PCDHGA3: variants seen among roughly 807,000 people sequenced by gnomAD.
PCDHGA3 encodes the protein protocadherin gamma subfamily A, 3.
In PCDHGA3, 40 loss-of-function variants were observed where a neutral mutation model predicts 58.5. The ratio of observed to expected loss-of-function variants is 0.68; its 90% CI spans 0.53 to 0.89. The LOEUF is 0.89. Ranked by LOEUF, PCDHGA3 falls within the 40% of genes least tolerant of loss-of-function variation. The pLI is 0.00. For missense variants in PCDHGA3, 1,223 were observed against 1,195.9 expected (o/e 1.02, Z -0.33); for synonymous variants, 530 against 525.7 (o/e 1.01, Z -0.11).
intron 1 of PCDHGA3, chr5:141,351,452 T>G (rs773093341): frequency 1.2e-6 from 2 of 1,613,112 alleles, no homozygotes; most frequent in African/African-American, 2.7e-5. Flanking sequence ...GAAGAATTAT[T>G]ACAAGCTGGT....
chr5:141,404,718 C>G (rs747745561), intron 1 of PCDHGA3: 1 of 1,614,072 alleles, frequency 6.2e-7, no homozygotes, highest in Admixed American at 1.7e-5. Context: ...TACCTGGTGA[C>G]CAAGGTGGTG....
rs756144117 is a variant in PCDHGA3, at chr5:141,485,181, G to A, written c.2425-9626G>A. On this transcript the variant is annotated intron_variant, in intron 1 of 3. Transcript: ENST00000253812. This position sits in a 1 kb window ranked among gnomAD's most constrained non-coding sequence, Gnocchi z 5.7. ...AATTAGCGGGCGGCAGCAATGCTCC[G>A]CAAGGTGAGAAGCTGGACAGAAATC... 3.1e-6 allele frequency: 5 copies of A among 1,612,942 alleles called. No individual in the cohort carries two copies. The South Asian group carries it at 4.4e-5, about 14-fold the overall frequency.
chr5:141,474,019 A>G (rs923131322), intron 1 of PCDHGA3, among the ~76,000 whole-genome samples: 4 of 152,134 alleles, frequency 2.6e-5, no homozygotes, highest in Non-Finnish European at 4.4e-5. Flanking sequence ...ACAGTGAGCT[A>G]TGATTATTCC....
intron 1 of PCDHGA3, chr5:141,365,793 C>G (rs780558730): frequency 1.2e-6 from 2 of 1,613,948 alleles, no homozygotes; most frequent in South Asian, 2.2e-5. Flanking sequence ...GCTCGAGTCA[C>G]CTACTCCCTG....
In PCDHGA3 at chr5:141,494,676, C is replaced by T. The variant is rs2099755997; in HGVS notation, c.2425-131C>T. On this transcript the variant is annotated intron_variant, in intron 1 of 3. Transcript: ENST00000253812. ...TTTGTCTTTGGAGATGAGTCCACCCCTGCCCCCTCTTAGTCCGTTTTCTTC... is the reference window on the plus strand; with the variant it reads ...TTTGTCTTTGGAGATGAGTCCACCCTTGCCCCCTCTTAGTCCGTTTTCTTC... 1.7e-5 allele frequency: 26 copies of T among 1,550,800 alleles called. No individual in the cohort carries two copies. In the South Asian group the frequency reaches 3.0e-4, roughly 18 times the overall value.
At chr5:141,409,181 C>T (rs1280456560) in intron 1 of PCDHGA3, 2 of 1,613,992 alleles carry the variant, frequency 1.2e-6, no homozygotes, top group Non-Finnish European at 1.7e-6. Flanking sequence ...CGGAGGTGGT[C>T]TCTCTACCCA....
At position 141,412,973 on chromosome 5, in the gene PCDHGA3, C is replaced by A. The variant is rs2095594108; in HGVS notation, c.2424+66516C>A. 14 of 528,318 alleles carry A rather than the reference C, an allele frequency of 2.6e-5. No individual in the cohort carries two copies. In the South Asian group the frequency reaches 3.3e-4, roughly 12 times the overall value. The allele number at this position is 528,318 out of a possible 1,614,324, so 32.7% of individuals were successfully genotyped here. A position where few individuals can be genotyped will look rare whatever the true frequency, so the allele number is the denominator to read the frequency against. Reference sequence around the variant, plus strand: ...GCTGTTCACCTACTAGGAGAGAAAACGCAGCCAGAGCTCAATCCGGATTCT... The same window carrying A: ...GCTGTTCACCTACTAGGAGAGAAAAAGCAGCCAGAGCTCAATCCGGATTCT... On this transcript the variant is annotated intron_variant, in intron 1 of 3. Transcript: ENST00000253812.
chr5:141,424,203 GC>G (rs777832241), intron 1 of PCDHGA3: 3 of 175,740 alleles, frequency 1.7e-5, no homozygotes, highest in Non-Finnish European at 3.6e-5. Flanking sequence ...ATACACGTAA[GC>G]TTTTCTCTGA....
chr5:141,357,256 G>C, intron 1 of PCDHGA3: 1 of 1,613,738 alleles, frequency 6.2e-7, no homozygotes, highest in Admixed American at 1.7e-5. Flanking sequence ...AGACCCAGAC[G>C]ACTCGGGCCT....
chr5:141,385,196 G>T, intron 1 of PCDHGA3: 1 of 1,614,230 alleles, frequency 6.2e-7, no homozygotes, highest in South Asian at 1.1e-5. Flanking sequence ...TCTCGGAAGA[G>T]TCACCTGATC....
chr5:141,364,576 C>A, intron 1 of PCDHGA3: 2 of 1,614,210 alleles, frequency 1.2e-6, no homozygotes, highest in East Asian at 4.5e-5. Context: ...CGCGAAGCGG[C>A]AGCTTGGTCA....
rs995968509 is a variant in PCDHGA3, at chr5:141,477,065, C to T, written c.2425-17742C>T. ...TCGGCTGGACTTCGAGGACACCAAA[C>T]TCCATGAGATTTACATCCAGGCCAA... On this transcript the variant is annotated intron_variant, in intron 1 of 3. Coordinates refer to ENST00000253812, the MANE Select transcript of PCDHGA3 (RefSeq NM_018916.4). The surrounding 1 kb of genome is among the most constrained non-coding windows in gnomAD (Gnocchi z 4.9). 15 of 1,614,144 alleles carry T rather than the reference C, an allele frequency of 9.3e-6. No homozygotes were observed. The highest frequency in any genetic ancestry group is 3.3e-5 in the Admixed American group (2 of 60,018).
At position 141,431,783 on chromosome 5, in the gene PCDHGA3, G is replaced by T; in HGVS notation, c.2425-63024G>T. 2 of 1,614,174 alleles carry T rather than the reference G, an allele frequency of 1.2e-6. No homozygotes were observed. Among genetic ancestry groups the T allele is most frequent in the East Asian group, 2.2e-5 (1 of 44,878 alleles). On this transcript the variant is annotated intron_variant, in intron 1 of 3. Transcript: ENST00000253812. The surrounding 1 kb of genome is among the most constrained non-coding windows in gnomAD (Gnocchi z 4.8). Reference sequence around the variant, plus strand: ...CCTGATCACTGTTCTGGACGTGAACGACAATGCCCCAGAAGTGGTCCTCAC... The same window carrying T: ...CCTGATCACTGTTCTGGACGTGAACTACAATGCCCCAGAAGTGGTCCTCAC...
chr5:141,355,969 G>A (rs1359465657), intron 1 of PCDHGA3: 6 of 1,613,732 alleles, frequency 3.7e-6, no homozygotes, highest in Middle Eastern at 3.3e-4. Context: ...GAACGTTCCT[G>A]TAGGCACTCG....
Position 141,431,199 on chromosome 5 carries a change from C to T in PCDHGA3, c.2425-63608C>T. 1 of 1,614,194 alleles carries T rather than the reference C, an allele frequency of 6.2e-7. No homozygotes were observed. Among genetic ancestry groups the T allele is most frequent in the East Asian group, 2.2e-5 (1 of 44,890 alleles). ...GAAATAAAAATTAGTGAAAATGCAG[C>T]CACTGAGATGCGGTTCCCTCTACCC... On this transcript the variant is annotated intron_variant, in intron 1 of 3. Transcript: ENST00000253812. This position sits in a 1 kb window ranked among gnomAD's most constrained non-coding sequence, Gnocchi z 4.8.
In PCDHGA3 at chr5:141,345,570, G is replaced by A. The variant is rs575051330; in HGVS notation, c.1537G>A (p.Val513Ile). The change falls in exon 1 of 4, where the codon GTC becomes ATC. Residue 513 changes from valine (V) to isoleucine (I), a missense_variant. By Grantham distance (29) the Val-to-Ile change is conservative. Coordinates refer to ENST00000253812, the MANE Select transcript of PCDHGA3 (RefSeq NM_018916.4). ...SFVSINSNTG[V>I]LYALRSFDYE... ...CGTCTCTATCAACTCCAACACTGGC[G>A]TCCTATACGCGCTGAGATCCTTCGA... The A allele has an allele frequency of 2.5e-6, 4 of 1,614,152 alleles. No homozygotes were observed. Among genetic ancestry groups the A allele is most frequent in the East Asian group, 4.5e-5 (2 of 44,878 alleles).
intron 1 of PCDHGA3, chr5:141,403,389 C>A (rs764725441): frequency 1.9e-6 from 3 of 1,614,050 alleles, no homozygotes; most frequent in Non-Finnish European, 2.5e-6. Flanking sequence ...AACGAAATCG[C>A]GGTTCCTGGA....
chr5:141,393,306 A>G (rs2092724552), intron 1 of PCDHGA3: 2 of 1,613,734 alleles, frequency 1.2e-6, no homozygotes, highest in African/African-American at 2.7e-5. Flanking sequence ...TGTGGGCGTG[A>G]ACTCCCTCCA....
intron 1 of PCDHGA3, among the ~76,000 whole-genome samples, chr5:141,492,438 G>C (rs2099740636): frequency 6.6e-6 from 1 of 152,236 alleles, no homozygotes; most frequent in Non-Finnish European, 1.5e-5. Flanking sequence ...AGGAGTACTC[G>C]TAGCTGATTG....
Sources: allele counts gnomAD v4.1 joint callset (sites outside exome capture counted in the v4.1 genomes callset), GRCh38; gene constraint gnomAD v4.1.1; non-coding constraint Gnocchi (gnomAD v3.1); transcripts MANE v1.5; gene names NCBI Gene and HGNC (gene_info 2026-07-23, HGNC 2026-07-21).